TMTC2: variants seen among roughly 807,000 people sequenced by gnomAD.
TMTC2 encodes the protein transmembrane O-mannosyltransferase targeting cadherins 2, also known as protein O-mannosyl-transferase TMTC2.
Under a neutral mutation model 82.4 loss-of-function variants are expected in TMTC2, and 43 were observed. The ratio of observed to expected loss-of-function variants is 0.52; its 90% CI spans 0.41 to 0.67. The LOEUF is 0.67. Ranked by LOEUF, TMTC2 falls within the 30% of genes least tolerant of loss-of-function variation. The probability of loss-of-function intolerance (pLI) is 0.00; values close to 1 mark genes in which losing one functional copy is unlikely to be tolerated. For missense variants in TMTC2, 919 were observed against 1,012.4 expected, an observed-to-expected ratio of 0.91 and a Z score of 1.25; for synonymous variants, 408 against 381.9, an observed-to-expected ratio of 1.07 and a Z score of -0.80.
At chr12:83,011,476 G>C (rs999636077) in intron 8 of TMTC2, among the ~76,000 whole-genome samples, 1 of 152,202 alleles carries the variant, frequency 6.6e-6, no homozygotes, top group African/African-American at 2.4e-5. Flanking sequence ...ACCATTAGCA[G>C]TAAGAATGAT....
chr12:82,728,997 G>A (rs1874612088), intron 1 of TMTC2, among the ~76,000 whole-genome samples: 1 of 152,220 alleles, frequency 6.6e-6, no homozygotes, highest in Admixed American at 6.5e-5. Context: ...CCATGCCTGA[G>A]CCTCCGCCCT....
intron 11 of TMTC2, among the ~76,000 whole-genome samples, chr12:83,092,779 A>T (rs1311151883): frequency 2.0e-5 from 3 of 152,182 alleles, no homozygotes; most frequent in Non-Finnish European, 2.9e-5. Flanking sequence ...AATAGTGTCA[A>T]GTTAGATTTA....
intron 11 of TMTC2, among the ~76,000 whole-genome samples, chr12:83,081,367 C>T (rs991664666): frequency 2.0e-5 from 3 of 152,156 alleles, no homozygotes; most frequent in African/African-American, 7.2e-5. Context: ...AACAAGCCCT[C>T]AGCAAAACTG....
chr12:82,751,208 TA>T (rs1383548609), intron 1 of TMTC2, among the ~76,000 whole-genome samples: 1 of 152,126 alleles, frequency 6.6e-6, no homozygotes, highest in African/African-American at 2.4e-5. Flanking sequence ...TATGCAGCTA[TA>T]AAAAATGATG....
intron 3 of TMTC2, among the ~76,000 whole-genome samples, chr12:82,909,390 G>A (rs1874498661): frequency 6.6e-6 from 1 of 151,940 alleles, no homozygotes; most frequent in African/African-American, 2.4e-5. Flanking sequence ...CCCAGGCTGG[G>A]GTATAGTGGT....
At chr12:82,866,259 A>AC in intron 2 of TMTC2, among the ~76,000 whole-genome samples, 1 of 152,008 alleles carries the variant, frequency 6.6e-6, no homozygotes, top group South Asian at 2.1e-4. Context: ...AAAAAAAAAA[A>AC]AAAACAAAAA....
chr12:83,026,392 A>G (rs1356562041), intron 8 of TMTC2, among the ~76,000 whole-genome samples: 1 of 152,140 alleles, frequency 6.6e-6, no homozygotes, highest in Non-Finnish European at 1.5e-5. Context: ...TAAAATTTAC[A>G]TCTTTAAATA....
Position 83,134,084 on chromosome 12 carries a change from T to A in TMTC2, c.*1695T>A, listed in dbSNP as rs1472627317. 1 of 152,570 alleles carries A rather than the reference T, an allele frequency of 6.6e-6. No homozygotes were observed. The highest frequency in any genetic ancestry group is 1.5e-5 in the Non-Finnish European group (1 of 68,020). The allele number at this position is 152,570 out of a possible 1,614,324, so 9.5% of individuals were successfully genotyped here. ...TTAGTGTTTTTGTGAGAAGGGTAAA[T>A]GTAGTGAGAAAGGTTTTTTCATGGC... On this transcript the variant is annotated 3_prime_UTR_variant, in exon 12 of 12. Transcript: ENST00000321196.
intron 2 of TMTC2, among the ~76,000 whole-genome samples, chr12:82,881,994 A>ATTTT (rs869127384): frequency 1.2e-3 from 126 of 107,252 alleles, no homozygotes; most frequent in East Asian, 7.4e-3. Flanking sequence ...TGTTGTTAAG[A>ATTTT]TTTTTTTTTT....
chr12:82,689,266 G>A (rs1042881911), intron 1 of TMTC2, among the ~76,000 whole-genome samples: 7 of 151,978 alleles, frequency 4.6e-5, no homozygotes, highest in African/African-American at 1.7e-4. Flanking sequence ...GGGGCGGTTT[G>A]AATAGTAAGC....
intron 8 of TMTC2, among the ~76,000 whole-genome samples, chr12:83,023,471 G>C (rs964342196): frequency 6.6e-6 from 1 of 152,194 alleles, no homozygotes; most frequent in Non-Finnish European, 1.5e-5. Context: ...ACTTCAGCCA[G>C]TTTTGTGACC....
chr12:83,037,666 G>A (rs1791705313), intron 9 of TMTC2, among the ~76,000 whole-genome samples: 3 of 151,906 alleles, frequency 2.0e-5, no homozygotes, highest in African/African-American at 7.3e-5. Flanking sequence ...TTATTAAAAT[G>A]TATCTAATAA....
intron 1 of TMTC2, among the ~76,000 whole-genome samples, chr12:82,712,169 C>T (rs535336882): frequency 5.6e-4 from 85 of 152,282 alleles, no homozygotes; most frequent in African/African-American, 1.7e-3. Flanking sequence ...CAATGGCTTA[C>T]GCCTGTAATC....
At chr12:82,964,103 A>AT (rs1327646331) in intron 4 of TMTC2, among the ~76,000 whole-genome samples, 3 of 151,636 alleles carry the variant, frequency 2.0e-5, no homozygotes, top group African/African-American at 7.3e-5. Flanking sequence ...GCCAAGTTGA[A>AT]TCTGCAATTT....
At chr12:83,015,952 T>C (rs1796173) in intron 8 of TMTC2, among the ~76,000 whole-genome samples, 143,804 of 152,288 alleles carry the variant, frequency 0.94, 67,969 homozygotes, top group East Asian at 1. Context: ...TATGCACCAC[T>C]GCTAGTCACT....
chr12:82,952,114 C>G lies in TMTC2; in HGVS notation c.1599-12910C>G, dbSNP rs991676370. 2.0e-5 allele frequency among the ~76,000 whole-genome samples: 3 copies of G among 151,988 alleles called. 1 individual carries two copies. The highest frequency in any genetic ancestry group is 2.0e-4 in the Admixed American group (3 of 15,268). ...CTTATATCTCACTGAACTTTTTTTT[C>G]TGAGATGAAAATCCTACCTGTTTCT... On this transcript the variant is annotated intron_variant, in intron 4 of 11. Transcript: ENST00000321196.
chr12:83,056,271 A>G (rs944887988), intron 10 of TMTC2, among the ~76,000 whole-genome samples: 1 of 151,986 alleles, frequency 6.6e-6, no homozygotes, highest in Admixed American at 6.6e-5. Context: ...TGGGTCACGC[A>G]TGCAGCTGAG....
chr12:83,057,482 A>G (rs536546202), intron 10 of TMTC2, among the ~76,000 whole-genome samples: 3 of 151,928 alleles, frequency 2.0e-5, no homozygotes, highest in Non-Finnish European at 4.4e-5. Flanking sequence ...TTTCTGCTCC[A>G]TTGTTTTTAC....
intron 3 of TMTC2, among the ~76,000 whole-genome samples, chr12:82,918,938 A>G (rs1875202945): frequency 6.6e-6 from 1 of 152,072 alleles, no homozygotes; most frequent in Non-Finnish European, 1.5e-5. Context: ...TTGTATTTTC[A>G]GTAGAGATGG....
Sources: gnomAD v4.1 joint callset for allele counts (sites outside exome capture counted in the v4.1 genomes callset) on GRCh38, gnomAD v4.1.1 for gene constraint, MANE v1.5 for transcripts, NCBI Gene and HGNC (gene_info 2026-07-23, HGNC 2026-07-21) for gene names.